Variants in MBTPS1 observed in about 807,000 individuals in gnomAD.
MBTPS1 encodes membrane-bound transcription factor site-1 protease.
MBTPS1 carries 94 observed loss-of-function variants against 127.8 expected under a neutral mutation model. That is an observed-to-expected ratio of 0.74 (90% CI 0.62 to 0.87). MBTPS1 has a LOEUF of 0.87. Ranked by LOEUF, MBTPS1 falls within the 40% of genes least tolerant of loss-of-function variation. The pLI, the probability that MBTPS1 is intolerant of heterozygous loss-of-function variation, is 0.00. For missense variants in MBTPS1, 1,636 were observed against 1,353.2 expected (o/e 1.21, Z -3.28); for synonymous variants, 632 against 509.4 (o/e 1.24, Z -3.24).
chr16:84,090,182 A>G (rs1348261634), intron 8 of MBTPS1, among the ~76,000 whole-genome samples: 1 of 152,228 alleles, frequency 6.6e-6, no homozygotes, highest in Admixed American at 6.5e-5. Flanking sequence ...GAGCACAAGA[A>G]ATGACTTATA....
At chr16:84,072,256 T>C (rs1163072972) in intron 12 of MBTPS1, 2 of 151,904 alleles carry the variant, frequency 1.3e-5, no homozygotes, top group African/African-American at 2.4e-5. Context: ...ATGTGAGAAG[T>C]CCAGAACAGG....
In MBTPS1 at chr16:84,085,051, C is replaced by G. The variant is rs145922793; in HGVS notation, c.1218G>C (p.Gly406=). The part of the protein sequence containing the change: ...AGVRGSGVKG[G]CRALSGTSVA... ...CACTGGTCCCTGAGAGGGCCCGGCACCCCCCTTTCACGCCAGAACCCCGCA... is the reference window on the plus strand; with the variant it reads ...CACTGGTCCCTGAGAGGGCCCGGCAGCCCCCTTTCACGCCAGAACCCCGCA... The change falls in exon 10 of 23, where the codon GGG becomes GGC. Residue 406 remains glycine, a synonymous_variant. Transcript: ENST00000343411. The G allele has an allele frequency of 4.2e-5, 67 of 1,614,146 alleles. No individual in the cohort carries two copies. The highest frequency in any genetic ancestry group is 5.5e-5 in the Non-Finnish European group (65 of 1,179,976).
intron 3 of MBTPS1, among the ~76,000 whole-genome samples, chr16:84,097,837 C>CGTGTGTGTGTGTGTGT (rs71382894): frequency 7.5e-4 from 107 of 143,044 alleles, no homozygotes; most frequent in Middle Eastern, 3.5e-3. Context: ...AACTTCTCTT[C>CGTGTGTGTGTGTGTGT]GTGTGTGTGT....
intron 8 of MBTPS1, among the ~76,000 whole-genome samples, chr16:84,088,205 T>C (rs1463192477): frequency 1.3e-5 from 2 of 152,028 alleles, no homozygotes; most frequent in Non-Finnish European, 2.9e-5. Context: ...ATGGCTCCAC[T>C]ACCAAAAAAA....
chr16:84,111,383 T>C (rs758096228), intron 1 of MBTPS1, among the ~76,000 whole-genome samples: 8 of 151,646 alleles, frequency 5.3e-5, no homozygotes, highest in Non-Finnish European at 1.0e-4. Context: ...CTACAAAAAA[T>C]ACAAAAATTA....
intron 1 of MBTPS1, among the ~76,000 whole-genome samples, chr16:84,103,892 C>T (rs1224456326): frequency 6.6e-6 from 1 of 152,172 alleles, no homozygotes; most frequent in Non-Finnish European, 1.5e-5. Flanking sequence ...GCAGTTACAT[C>T]CACCTCGACA....
At chr16:84,113,189 A>C (rs2086422758) in intron 1 of MBTPS1, among the ~76,000 whole-genome samples, 1 of 152,208 alleles carries the variant, frequency 6.6e-6, no homozygotes. Flanking sequence ...TGGCTAGTTC[A>C]TTCTGAAAGG....
At position 84,070,454 on chromosome 16, in the gene MBTPS1, C is replaced by A. The variant is rs891818148; in HGVS notation, c.1782+134G>T. The A allele has an allele frequency of 3.1e-5, 27 of 861,364 alleles. No homozygotes were observed. In the African/African-American group the frequency reaches 3.7e-4, roughly 12 times the overall value. 53.4% of individuals were successfully genotyped at this position (861,364 alleles called of 1,614,324 possible). On this transcript the variant is annotated intron_variant, in intron 13 of 22. Coordinates refer to ENST00000343411, the MANE Select transcript of MBTPS1 (RefSeq NM_003791.4). ...GCTGCTCCGGAGGCCCTGGAACCAT[C>A]AATTGTGGCCATCGAGGATAAGCCT...
chr16:84,065,685 T>C lies in MBTPS1; in HGVS notation c.2431+5A>G. The C allele has an allele frequency of 6.2e-7, 1 of 1,609,376 alleles. No homozygotes were observed. On this transcript the variant is annotated splice_donor_5th_base_variant and intron_variant, in intron 18 of 22. Coordinates refer to ENST00000343411, the MANE Select transcript of MBTPS1 (RefSeq NM_003791.4). ...AGCAAAAGGCCCATGAATGGCATCCTTTACCTTGGTCCTTGAAAGTCTGTG... is the reference window on the plus strand; with the variant it reads ...AGCAAAAGGCCCATGAATGGCATCCCTTACCTTGGTCCTTGAAAGTCTGTG...
In MBTPS1 at chr16:84,081,853, C is replaced by T. The variant is rs779109222; in HGVS notation, c.1342G>A (p.Ala448Thr). Residue 448 changes from alanine to threonine, a missense_variant, in exon 11 of 23, where the codon GCG becomes ACG. By Grantham distance (58) the Ala-to-Thr change is moderately conservative. Coordinates refer to ENST00000343411, the MANE Select transcript of MBTPS1 (RefSeq NM_003791.4). The stretch of plus-strand genomic sequence containing the variant: ...ACCCCGGGGAGCCTCCGGGCTGACG[C>T]GATCAGGGCCTGCTTCATACTGGCG... ...NPASMKQALI[A>T]SARRLPGVNM... 15 of 1,520,868 alleles carry T rather than the reference C, an allele frequency of 9.9e-6. No homozygotes were observed. The highest frequency in any genetic ancestry group is 2.2e-5 in the Admixed American group (1 of 45,872). The allele number at this position is 1,520,868 out of a possible 1,614,324, so 94.2% of individuals were successfully genotyped here. A position where few individuals can be genotyped will look rare whatever the true frequency, so the allele number is the denominator to read the frequency against.
intron 12 of MBTPS1, among the ~76,000 whole-genome samples, chr16:84,072,342 T>C (rs2085782305): frequency 6.6e-6 from 1 of 152,002 alleles, no homozygotes; most frequent in African/African-American, 2.4e-5. Context: ...ATAATGGGTA[T>C]AAGGTTTCTT....
intron 1 of MBTPS1, among the ~76,000 whole-genome samples, chr16:84,111,703 T>C (rs570831563): frequency 2.0e-5 from 3 of 152,272 alleles, no homozygotes; most frequent in African/African-American, 7.2e-5. Flanking sequence ...AAACTTTGAC[T>C]TGAGCTCAGT....
chr16:84,058,172 AC>A (rs2085548112), intron 21 of MBTPS1: 1 of 152,276 alleles, frequency 6.6e-6, no homozygotes, highest in South Asian at 2.1e-4. Flanking sequence ...TGATGATTCT[AC>A]CATTTTCCTG....
chr16:84,070,726 G>A lies in MBTPS1; in HGVS notation c.1644C>T (p.Ala548=). 1.2e-6 allele frequency: 2 copies of A among 1,614,100 alleles called. No homozygotes were observed. Among genetic ancestry groups the A allele is most frequent in the Non-Finnish European group, 1.7e-6 (2 of 1,180,006 alleles). The change falls in exon 13 of 23, where the codon GCC becomes GCT. Residue 548 remains alanine (A), a synonymous_variant. Coordinates refer to ENST00000343411, the MANE Select transcript of MBTPS1 (RefSeq NM_003791.4). ...LPQNGDNIEV[A]FSYSSVLWPW... ...GCCATAAGACCGAGGAGTAGGAGAA[G>A]GCAACTTCAATGTTGTCTCCGTTCT...
At chr16:84,067,353 G>T (rs1158054930) in intron 16 of MBTPS1, among the ~76,000 whole-genome samples, 1 of 151,976 alleles carries the variant, frequency 6.6e-6, no homozygotes, top group Non-Finnish European at 1.5e-5. Context: ...TTTCTTTTTT[G>T]TGTTTTATTT....
intron 12 of MBTPS1, among the ~76,000 whole-genome samples, chr16:84,071,476 G>C (rs892783059): frequency 1.3e-5 from 2 of 152,172 alleles, no homozygotes; most frequent in African/African-American, 4.8e-5. Flanking sequence ...AATATCTGTA[G>C]GATACGGTGT....
chr16:84,091,862 A>T lies in MBTPS1; in HGVS notation c.847-14T>A, dbSNP rs372706164. ...TGTGTAAGATACCTAGTTAAATATTATAACAGTCTGCTTAGTGTTTCAATC... is the reference window on the plus strand; with the variant it reads ...TGTGTAAGATACCTAGTTAAATATTTTAACAGTCTGCTTAGTGTTTCAATC... On this transcript the variant is annotated splice_polypyrimidine_tract_variant and intron_variant, in intron 6 of 22. Coordinates refer to ENST00000343411, the MANE Select transcript of MBTPS1 (RefSeq NM_003791.4). 7.2e-7 allele frequency: 1 copy of T among 1,384,196 alleles called. No homozygotes were observed. The highest frequency in any genetic ancestry group is 1.0e-6 in the Non-Finnish European group (1 of 969,822). The allele number at this position is 1,384,196 out of a possible 1,614,324, so 85.7% of individuals were successfully genotyped here.
Position 84,093,886 on chromosome 16 carries a change from T to A in MBTPS1, c.626-65A>T. 5 of 1,140,510 alleles carry A rather than the reference T, an allele frequency of 4.4e-6. No homozygotes were observed. The South Asian group carries it at 6.3e-5, about 14-fold the overall frequency. The allele number at this position is 1,140,510 out of a possible 1,614,324, so 70.6% of individuals were successfully genotyped here. On this transcript the variant is annotated intron_variant, in intron 4 of 22. Transcript: ENST00000343411. ...AAATCATCATTTTGGATTTTGCCTA[T>A]AAAATACATTCCTTCCTGGGACCCA...
At chr16:84,081,961 T>C (rs1432270160) in intron 10 of MBTPS1, 53 bp from the exon 11 acceptor site, 2 of 1,310,804 alleles carry the variant, frequency 1.5e-6, no homozygotes, top group Non-Finnish European at 2.0e-6. Flanking sequence ...GAATGGAAAT[T>C]GGACCACTAA....
Sources: allele counts gnomAD v4.1 joint callset (sites outside exome capture counted in the v4.1 genomes callset), GRCh38; gene constraint gnomAD v4.1.1; transcripts MANE v1.5; gene names NCBI Gene and HGNC (gene_info 2026-07-23, HGNC 2026-07-21).